Variants in FOXD4 observed in about 807,000 individuals in gnomAD.
FOXD4 encodes forkhead box D4, also known as forkhead box protein D4.
Under a neutral mutation model 26.5 loss-of-function variants are expected in FOXD4, and 22 were observed. The ratio of observed to expected loss-of-function variants is 0.83; its 90% confidence interval spans 0.59 to 1.18. The LOEUF (loss-of-function observed/expected upper bound fraction) is 1.18, where lower values mean the gene tolerates loss of function less well. FOXD4 is among the 50% of genes most tolerant of loss of function. FOXD4 has a pLI of 0.00. For synonymous variants in FOXD4, 258 were observed against 273.7 expected, an observed-to-expected ratio of 0.94 and a Z score of 0.57; for missense variants, 625 against 605.8, an observed-to-expected ratio of 1.03 and a Z score of -0.33.
Position 117,718 on chromosome 9 carries a change from A to T in FOXD4, c.402T>A (p.Ile134=). The T allele has an allele frequency of 6.2e-7, 1 of 1,612,944 alleles. No homozygotes were observed. The highest frequency in any genetic ancestry group is 1.1e-5 in the South Asian group (1 of 91,026). The change falls in exon 1 of 1, where the codon ATT becomes ATA. Residue 134 remains isoleucine (I), a synonymous_variant. Transcript: ENST00000382500. ...GGCGGTAGTAGGGGAAGCGGTCACT[A>T]ATGAAGGCGCAGATGCCGCTGAGCG... ...RLTLSGICAF[I]SDRFPYYRRK...
rs778598459 is a variant in FOXD4 at position 117,743 on chromosome 9, G to T, written c.377C>A (p.Thr126Lys). 151 of 1,613,134 alleles carry T rather than the reference G, an allele frequency of 9.4e-5. No individual in the cohort carries two copies. The highest frequency in any genetic ancestry group is 1.2e-4 in the Non-Finnish European group (147 of 1,179,980). ...AATGAAGGCGCAGATGCCGCTGAGC[G>T]TGAGGCGCTTGTGCGGGCTTTGCAG... Reference protein sequence around the residue: ...AILQSPHKRLTLSGICAFISD... With the variant: ...AILQSPHKRLKLSGICAFISD... The change falls in exon 1 of 1, where the codon ACG becomes AAG. Residue 126 changes from threonine to lysine, a missense_variant. Thr to Lys is a moderately conservative substitution (Grantham distance 78). Around this residue, in one of 3 missense-constraint regions of FOXD4, gnomAD observed 399 missense variants for 329.4 expected, o/e 1.21. Transcript: ENST00000382500.
Position 116,633 on chromosome 9 carries a change from G to C in FOXD4, c.*167C>G, listed in dbSNP as rs559817243. 1 of 1,175,952 alleles carries C rather than the reference G, an allele frequency of 8.5e-7. No homozygotes were observed. The highest frequency in any genetic ancestry group is 1.2e-6 in the Non-Finnish European group (1 of 835,570). The allele number at this position is 1,175,952 out of a possible 1,614,324, so 72.8% of individuals were successfully genotyped here. ...TGACTTGACGCCCTGCGAAGGTTAC[G>C]TTCAGGTGGTTTTTAGAGGAACGTA... On this transcript the variant is annotated 3_prime_UTR_variant, in exon 1 of 1. Coordinates refer to ENST00000382500, the MANE Select transcript of FOXD4 (RefSeq NM_207305.5).
At position 118,229 on chromosome 9, in the gene FOXD4, G is replaced by C. The variant is rs997350738; in HGVS notation, c.-110C>G. 2.5e-6 allele frequency: 4 copies of C among 1,602,898 alleles called. No homozygotes were observed. Among genetic ancestry groups the C allele is most frequent in the Non-Finnish European group, 3.4e-6 (4 of 1,174,040 alleles). On this transcript the variant is annotated 5_prime_UTR_variant, in exon 1 of 1. Transcript: ENST00000382500. ...GTTGCAAGAAGCAGGAACGCTAGTG[G>C]TTACCCTTTGGGATGTTTTCCTCTG... is the stretch of plus-strand genomic sequence containing the variant.
Position 116,979 on chromosome 9 carries a change from T to G in FOXD4, c.1141A>C (p.Lys381Gln), listed in dbSNP as rs1385101811. 6.2e-7 allele frequency: 1 copy of G among 1,611,842 alleles called. No individual in the cohort carries two copies. Among genetic ancestry groups the G allele is most frequent in the African/African-American group, 1.3e-5 (1 of 74,868 alleles). The change falls in exon 1 of 1, where the codon AAG becomes CAG. Residue 381 changes from lysine to glutamine, a missense_variant. This residue lies in a region of FOXD4 where 134 missense variants were observed against 132.2 expected (regional missense o/e 1.01). Transcript: ENST00000382500. ...EDCANGCAPT[K>Q]GAVLGGHLSA... ...AGGTGCCCGCCCAGCACCGCGCCCT[T>G]GGTGGGAGCGCAGCCGTTGGCGCAG... is the stretch of plus-strand genomic sequence containing the variant.
chr9:117,868 G>T lies in FOXD4; in HGVS notation c.252C>A (p.Thr84=), dbSNP rs777951177. The T allele has an allele frequency of 6.2e-6, 10 of 1,611,996 alleles. No individual in the cohort carries two copies. The highest frequency in any genetic ancestry group is 2.7e-5 in the African/African-American group (2 of 74,954). The change falls in exon 1 of 1, where the codon ACC becomes ACA. Residue 84 remains threonine, a synonymous_variant. Coordinates refer to ENST00000382500, the MANE Select transcript of FOXD4 (RefSeq NM_207305.5). ...GGPSDPSEFG[T]EFRAPPRSAA... ...CAGACCTTGGCGGTGCCCTGAACTCGGTGCCAAACTCTGAGGGGTCGCTCG... is the reference window on the plus strand; with the variant it reads ...CAGACCTTGGCGGTGCCCTGAACTCTGTGCCAAACTCTGAGGGGTCGCTCG...
rs754913230 is a variant in FOXD4 at position 116,943 on chromosome 9, A to C, written c.1177T>G (p.Ser393Ala). 123 of 1,611,224 alleles carry C rather than the reference A, an allele frequency of 7.6e-5. No individual in the cohort carries two copies. Among genetic ancestry groups the C allele is most frequent in the Non-Finnish European group, 9.8e-5 (116 of 1,179,442 alleles). The change falls in exon 1 of 1, where the codon TCG (serine) becomes GCG (alanine). Residue 393 changes from serine (S) to alanine (A), a missense_variant. Transcript: ENST00000382500. ...ACCGCCTGATACCGCAGCAGCGCCG[A>C]CGCGGCCGACAGGTGCCCGCCCAGC... is the stretch of plus-strand genomic sequence containing the variant. ...AVLGGHLSAA[S>A]ALLRYQAVAE...
At position 116,930 on chromosome 9, in the gene FOXD4, C is replaced by G; in HGVS notation, c.1190G>C (p.Arg397Pro). 1 of 1,611,196 alleles carries G rather than the reference C, an allele frequency of 6.2e-7. No individual in the cohort carries two copies. The highest frequency in any genetic ancestry group is 1.1e-5 in the South Asian group (1 of 90,902). Reference protein sequence around the residue: ...GHLSAASALLRYQAVAEGSGL... With the variant: ...GHLSAASALLPYQAVAEGSGL... Reference sequence around the variant, plus strand: ...AGAGCCCTCTGCCACCGCCTGATACCGCAGCAGCGCCGACGCGGCCGACAG... The same window carrying G: ...AGAGCCCTCTGCCACCGCCTGATACGGCAGCAGCGCCGACGCGGCCGACAG... Residue 397 changes from arginine to proline, a missense_variant, in exon 1 of 1, where the codon CGG becomes CCG. Arg to Pro is a moderately radical substitution (Grantham distance 103, BLOSUM62 -2). Transcript: ENST00000382500.
chr9:118,091 C>G lies in FOXD4; in HGVS notation c.29G>C (p.Arg10Pro). The change falls in exon 1 of 1, where the codon CGC (arginine) becomes CCC (proline). Residue 10 changes from arginine (R) to proline (P), a missense_variant. By Grantham distance (103) the Arg-to-Pro change is moderately radical. Coordinates refer to ENST00000382500, the MANE Select transcript of FOXD4 (RefSeq NM_207305.5). The part of the protein sequence containing the change: MNLPRAERL[R>P]STPQRSLRDS... The stretch of plus-strand genomic sequence containing the variant: ...CCGGAGGCTGCGCTGCGGTGTGGAG[C>G]GAAGGCGCTCAGCTCTTGGCAAGTT... 1 of 1,611,992 alleles carries G rather than the reference C, an allele frequency of 6.2e-7. No homozygotes were observed.
Position 118,058 on chromosome 9 carries a change from T to C in FOXD4, c.62A>G (p.Asp21Gly), listed in dbSNP as rs761882333. 1 of 1,611,990 alleles carries C rather than the reference T, an allele frequency of 6.2e-7. No individual in the cohort carries two copies. Among genetic ancestry groups the C allele is most frequent in the South Asian group, 1.1e-5 (1 of 90,990 alleles). The part of the protein sequence containing the change: ...STPQRSLRDS[D>G]GEDGKIDVLG... ...GACATCGATTTTACCGTCTTCCCCA[T>C]CGGAGTCCCGGAGGCTGCGCTGCGG... The change falls in exon 1 of 1, where the codon GAT becomes GGT. Residue 21 changes from aspartate (D) to glycine (G), a missense_variant. Asp to Gly is a moderately conservative substitution (Grantham distance 94, BLOSUM62 -1). This residue lies in a region of FOXD4 where 399 missense variants were observed against 329.4 expected (regional missense o/e 1.21). Coordinates refer to ENST00000382500, the MANE Select transcript of FOXD4 (RefSeq NM_207305.5).
chr9:117,226 G>C lies in FOXD4; in HGVS notation c.894C>G (p.His298Gln), dbSNP rs752011863. 1.1e-5 allele frequency: 17 copies of C among 1,609,782 alleles called. No homozygotes were observed. The highest frequency in any genetic ancestry group is 8.0e-5 in the African/African-American group (6 of 74,860). Residue 298 changes from histidine (H) to glutamine (Q), a missense_variant, in exon 1 of 1, where the codon CAC (histidine) becomes CAG (glutamine). Coordinates refer to ENST00000382500, the MANE Select transcript of FOXD4 (RefSeq NM_207305.5). ...CCCTCCTCCCAAGGCTGAGGACCAA[G>C]TGAGGGCTGCAGCACGGGAAGGGTG... ...TPAPFPCCSP[H>Q]LVLSLGRRAR... is the part of the protein sequence containing the mutation.
Position 116,970 on chromosome 9 carries a change from C to T in FOXD4, c.1150G>A (p.Val384Met). Residue 384 changes from valine (V) to methionine (M), a missense_variant, in exon 1 of 1, where the codon GTG becomes ATG. Around this residue, in one of 3 missense-constraint regions of FOXD4, gnomAD observed 134 missense variants for 132.2 expected, o/e 1.01. Transcript: ENST00000382500. ...ANGCAPTKGA[V>M]LGGHLSAASA... ...GCGGCCGACAGGTGCCCGCCCAGCACCGCGCCCTTGGTGGGAGCGCAGCCG... is the reference window on the plus strand; with the variant it reads ...GCGGCCGACAGGTGCCCGCCCAGCATCGCGCCCTTGGTGGGAGCGCAGCCG... The T allele has an allele frequency of 1.2e-6, 2 of 1,611,930 alleles. No individual in the cohort carries two copies. Among genetic ancestry groups the T allele is most frequent in the Non-Finnish European group, 1.7e-6 (2 of 1,179,788 alleles).
At position 117,087 on chromosome 9, in the gene FOXD4, G is replaced by A. The variant is rs762628873; in HGVS notation, c.1033C>T (p.Arg345Cys). The change falls in exon 1 of 1, where the codon CGT becomes TGT. Residue 345 changes from arginine to cysteine, a missense_variant. Transcript: ENST00000382500. ...QGLRRVCPRP[R>C]GATAPCSSDR... ...CTGGAGCAGGGGGCAGTAGCTCCAC[G>A]CGGTCGGGGACAAACTCTGCGCAGC... 1.2e-6 allele frequency: 2 copies of A among 1,612,028 alleles called. No homozygotes were observed. The highest frequency in any genetic ancestry group is 4.5e-5 in the East Asian group (2 of 44,884).
Position 117,818 on chromosome 9 carries a change from T to G in FOXD4, c.302A>C (p.Gln101Pro). 1 of 1,612,766 alleles carries G rather than the reference T, an allele frequency of 6.2e-7. No homozygotes were observed. The highest frequency in any genetic ancestry group is 2.2e-5 in the East Asian group (1 of 44,872). The change falls in exon 1 of 1, where the codon CAG becomes CCG. Residue 101 changes from glutamine (Q) to proline (P), a missense_variant. This residue lies in a region of FOXD4 where 399 missense variants were observed against 329.4 expected (regional missense o/e 1.21). Transcript: ENST00000382500. Reference sequence around the variant, plus strand: ...GTACGAGGAGGGGGGCTTTGCCGGCTGCCGGGCATCTTCAGAGGCCGCCGC... The same window carrying G: ...GTACGAGGAGGGGGGCTTTGCCGGCGGCCGGGCATCTTCAGAGGCCGCCGC... Reference protein sequence around the residue: ...RSAAASEDARQPAKPPSSYIA... With the variant: ...RSAAASEDARPPAKPPSSYIA...
chr9:118,266 G>A lies in FOXD4; in HGVS notation c.-147C>T. The A allele has an allele frequency of 1.3e-6, 2 of 1,544,272 alleles. No homozygotes were observed. Among genetic ancestry groups the A allele is most frequent in the South Asian group, 2.3e-5 (2 of 85,326 alleles). On this transcript the variant is annotated 5_prime_UTR_variant, in exon 1 of 1. Coordinates refer to ENST00000382500, the MANE Select transcript of FOXD4 (RefSeq NM_207305.5). ...GATGTTTTCCTCTGCTTGTTTCTAC[G>A]CCTTTGCAACAACGTCCGGCAAAGA... is the stretch of plus-strand genomic sequence containing the variant.
At position 118,300 on chromosome 9, in the gene FOXD4, C is replaced by T; in HGVS notation, c.-181G>A. 1 of 1,344,070 alleles carries T rather than the reference C, an allele frequency of 7.4e-7. No homozygotes were observed. Among genetic ancestry groups the T allele is most frequent in the South Asian group, 1.4e-5 (1 of 71,216 alleles). 83.3% of individuals were successfully genotyped at this position (1,344,070 alleles called of 1,614,324 possible). A position where few individuals can be genotyped will look rare whatever the true frequency, so the allele number is the denominator to read the frequency against. On this transcript the variant is annotated 5_prime_UTR_variant, in exon 1 of 1. Coordinates refer to ENST00000382500, the MANE Select transcript of FOXD4 (RefSeq NM_207305.5). ...ACAACGTCCGGCAAAGATGCCTTCG[C>T]CTTTTATAAAAGCTTCTTCAAGACC...
Position 116,962 on chromosome 9 carries a change from G to T in FOXD4, c.1158C>A (p.Gly386=), listed in dbSNP as rs149996115. The T allele has an allele frequency of 5.0e-6, 8 of 1,611,862 alleles. No individual in the cohort carries two copies. The Admixed American group carries it at 1.3e-4, about 27-fold the overall frequency. Residue 386 remains glycine, a synonymous_variant, in exon 1 of 1, where the codon GGC becomes GGA. Transcript: ENST00000382500. ...GCAPTKGAVL[G]GHLSAASALL... ...GCGCCGACGCGGCCGACAGGTGCCC[G>T]CCCAGCACCGCGCCCTTGGTGGGAG...
At position 116,994 on chromosome 9, in the gene FOXD4, C is replaced by A; in HGVS notation, c.1126G>T (p.Gly376Cys). The A allele has an allele frequency of 6.2e-7, 1 of 1,612,028 alleles. No homozygotes were observed. Among genetic ancestry groups the A allele is most frequent in the Non-Finnish European group, 8.5e-7 (1 of 1,179,836 alleles). The change falls in exon 1 of 1, where the codon GGC becomes TGC. Residue 376 changes from glycine to cysteine, a missense_variant. Gly to Cys is a radical substitution (Grantham distance 159). Coordinates refer to ENST00000382500, the MANE Select transcript of FOXD4 (RefSeq NM_207305.5). Reference protein sequence around the residue: ...QRHQEEDCANGCAPTKGAVLG... With the variant: ...QRHQEEDCANCCAPTKGAVLG... ...ACCGCGCCCTTGGTGGGAGCGCAGC[C>A]GTTGGCGCAGTCCTCCTCCTGATGC...
chr9:116,676 T>G lies in FOXD4; in HGVS notation c.*124A>C. The G allele has an allele frequency of 2.7e-6, 4 of 1,455,836 alleles. No homozygotes were observed. Among genetic ancestry groups the G allele is most frequent in the Non-Finnish European group, 3.7e-6 (4 of 1,082,138 alleles). The allele number at this position is 1,455,836 out of a possible 1,614,324, so 90.2% of individuals were successfully genotyped here. A position where few individuals can be genotyped will look rare whatever the true frequency, so the allele number is the denominator to read the frequency against. ...GGAACGTAATCCAGCTGTTTCTTTC[T>G]AACCATTTTGCAGGGAACAGAAGTT... On this transcript the variant is annotated 3_prime_UTR_variant, in exon 1 of 1. Transcript: ENST00000382500.
rs887557506 is a variant in FOXD4 at position 118,188 on chromosome 9, G to A, written c.-69C>T. On this transcript the variant is annotated 5_prime_UTR_variant, in exon 1 of 1. Coordinates refer to ENST00000382500, the MANE Select transcript of FOXD4 (RefSeq NM_207305.5). ...CACCTGGCCCCGGCGGGCTGAGCTG[G>A]AAGCCCGGGATGAATGTTGCAAGAA... The A allele has an allele frequency of 1.9e-6, 3 of 1,611,066 alleles. No individual in the cohort carries two copies. The highest frequency in any genetic ancestry group is 1.3e-5 in the African/African-American group (1 of 74,946).
Sources: allele counts gnomAD v4.1 joint callset, GRCh38; gene constraint gnomAD v4.1.1; regional missense constraint gnomAD v4.1.1; transcripts MANE v1.5; gene names NCBI Gene and HGNC (gene_info 2026-07-23, HGNC 2026-07-21).